NRXN3: variants seen among roughly 807,000 people sequenced by gnomAD.
The protein encoded by NRXN3 is neurexin 3.
Under a neutral mutation model 137.6 loss-of-function variants are expected in NRXN3, and 32 were observed. That is an observed-to-expected ratio of 0.23 (90% CI 0.18 to 0.31). The LOEUF (loss-of-function observed/expected upper bound fraction) is 0.31. Ranked by LOEUF, NRXN3 falls within the 10% of genes least tolerant of loss-of-function variation. The pLI is 1.00. For missense variants in NRXN3, 1,574 were observed against 2,062.5 expected, an observed-to-expected ratio of 0.76 and a Z score of 4.59; for synonymous variants, 798 against 784.5, an observed-to-expected ratio of 1.02 and a Z score of -0.29.
intron 16 of NRXN3, among the ~76,000 whole-genome samples, chr14:79,654,319 TAAATTAAACTTAAAAAAAAAAACTTAAAA>T (rs1453807939): frequency 6.6e-6 from 1 of 151,672 alleles, no homozygotes; most frequent in Non-Finnish European, 1.5e-5. Context: ...AAATTAAACT[TAAATTAAACTTAAAAAAAAAAACTTAAAA>T]AAAATTAAAC....
At chr14:78,678,338 A>G (rs879651616) in intron 6 of NRXN3, among the ~76,000 whole-genome samples, 13 of 146,854 alleles carry the variant, frequency 8.9e-5, no homozygotes, top group Non-Finnish European at 1.5e-4. Flanking sequence ...TTTTTTGTAG[A>G]GACAGGGTTT....
At position 79,296,812 on chromosome 14, in the gene NRXN3, C is replaced by A. The variant is rs375410868; in HGVS notation, c.3263-170409C>A. On this transcript the variant is annotated intron_variant, in intron 15 of 20. Coordinates refer to ENST00000335750, the MANE Select transcript of NRXN3 (RefSeq NM_001330195.2). ...CTGGCTTAAAAAGATAAAACAAAAGCAAATAAATAAATAAATTAAGCCTCT... is the reference window on the plus strand; with the variant it reads ...CTGGCTTAAAAAGATAAAACAAAAGAAAATAAATAAATAAATTAAGCCTCT... Among the ~76,000 whole-genome samples the A allele has an allele frequency of 2.4e-3, 369 of 152,166 alleles. 2 individuals carry two copies. Among genetic ancestry groups the A allele is most frequent in the African/African-American group, 8.0e-3 (332 of 41,530 alleles).
At chr14:79,702,487 T>C (rs929647877) in intron 19 of NRXN3, among the ~76,000 whole-genome samples, 2 of 151,748 alleles carry the variant, frequency 1.3e-5, no homozygotes, top group Non-Finnish European at 2.9e-5. Context: ...ATTGGACAGG[T>C]GGTGAGAGGA....
intron 10 of NRXN3, among the ~76,000 whole-genome samples, chr14:78,846,438 A>T (rs1012402810): frequency 1.3e-5 from 2 of 152,116 alleles, no homozygotes; most frequent in African/African-American, 4.8e-5. Context: ...TCAGTTCTTT[A>T]CAATCTCTGC....
intron 16 of NRXN3, among the ~76,000 whole-genome samples, chr14:79,528,682 T>A (rs1440610715): frequency 2.6e-5 from 4 of 152,220 alleles, no homozygotes; most frequent in South Asian, 2.1e-4. Flanking sequence ...AGTTTTTTTT[T>A]ATTTCTAAGA....
At chr14:78,319,727 T>C (rs1249297449) in intron 4 of NRXN3, among the ~76,000 whole-genome samples, 1 of 152,170 alleles carries the variant, frequency 6.6e-6, no homozygotes, top group African/African-American at 2.4e-5. Context: ...GGGTATAATC[T>C]CACTTAACTT....
chr14:79,362,947 G>T (rs1424122515), intron 15 of NRXN3, among the ~76,000 whole-genome samples: 1 of 152,072 alleles, frequency 6.6e-6, no homozygotes, highest in Non-Finnish European at 1.5e-5. Flanking sequence ...GAGAGTATTT[G>T]CAGATGCATG....
chr14:79,676,668 TTCAGTG>T (rs1289063661), intron 17 of NRXN3, among the ~76,000 whole-genome samples: 3 of 151,956 alleles, frequency 2.0e-5, no homozygotes, highest in Non-Finnish European at 2.9e-5. Context: ...CTACAGTCAT[TTCAGTG>T]TTTATATGTA....
rs2152847892 is a variant in NRXN3 at position 78,714,814 on chromosome 14, C to T, written c.1719C>T (p.Ile573=). ...TCACCGCCAGTGGGGAGAGCGAGAT[C>T]CTGGACCTGGAAGGAGACATGTACC... is the stretch of plus-strand genomic sequence containing the variant. ...TPFTASGESE[I]LDLEGDMYLG... The change falls in exon 8 of 21, where the codon ATC becomes ATT. Residue 573 remains isoleucine, a synonymous_variant. Coordinates refer to ENST00000335750, the MANE Select transcript of NRXN3 (RefSeq NM_001330195.2). The T allele has an allele frequency of 6.2e-7, 1 of 1,614,138 alleles. No individual in the cohort carries two copies. The highest frequency in any genetic ancestry group is 8.5e-7 in the Non-Finnish European group (1 of 1,180,016).
At chr14:79,435,774 A>G (rs1270528035) in intron 15 of NRXN3, among the ~76,000 whole-genome samples, 1 of 152,074 alleles carries the variant, frequency 6.6e-6, no homozygotes, top group African/African-American at 2.4e-5. Flanking sequence ...AGCTGGGACT[A>G]TAGGCATGGA....
chr14:78,371,084 C>T (rs1597884173), intron 4 of NRXN3, among the ~76,000 whole-genome samples: 2 of 152,084 alleles, frequency 1.3e-5, no homozygotes. Flanking sequence ...GTTCCCCAGC[C>T]AAGGCCCCAC....
At chr14:78,532,333 A>C (rs12891666) in intron 4 of NRXN3, among the ~76,000 whole-genome samples, 1 of 150,038 alleles carries the variant, frequency 6.7e-6, no homozygotes, top group Non-Finnish European at 1.5e-5. Context: ...AAAGAAAAAA[A>C]AAAAGAAAAG....
chr14:78,719,374 A>G (rs1434519227), intron 8 of NRXN3, among the ~76,000 whole-genome samples: 1 of 152,016 alleles, frequency 6.6e-6, no homozygotes, highest in African/African-American at 2.4e-5. Flanking sequence ...GCTCCTCTCC[A>G]TTCGGGGCCT....
intron 15 of NRXN3, among the ~76,000 whole-genome samples, chr14:79,411,550 T>C (rs2095416894): frequency 6.6e-6 from 1 of 152,118 alleles, no homozygotes; most frequent in Admixed American, 6.6e-5. Context: ...AAATGAGTAA[T>C]AATTATGACT....
chr14:78,238,880 G>A (rs572784560), intron 1 of NRXN3, among the ~76,000 whole-genome samples: 28 of 152,324 alleles, frequency 1.8e-4, no homozygotes, highest in Admixed American at 6.5e-4. Context: ...GTGTGGCCCC[G>A]ACAAAGCAGG....
chr14:79,747,134 A>G (rs2098982224), intron 19 of NRXN3, among the ~76,000 whole-genome samples: 2 of 152,090 alleles, frequency 1.3e-5, no homozygotes, highest in Admixed American at 1.3e-4. Context: ...AGCTACATAT[A>G]TAAATGTCAG....
intron 15 of NRXN3, among the ~76,000 whole-genome samples, chr14:79,220,112 G>C (rs897694098): frequency 6.6e-6 from 1 of 152,220 alleles, no homozygotes; most frequent in Middle Eastern, 3.4e-3. Context: ...AAAACTGCAT[G>C]CTATCTTTAT....
intron 15 of NRXN3, among the ~76,000 whole-genome samples, chr14:79,404,420 G>T (rs760285888): frequency 3.9e-5 from 6 of 152,256 alleles, no homozygotes; most frequent in Non-Finnish European, 8.8e-5. Context: ...GTCACAAAAA[G>T]GCTCGCCCAG....
At chr14:79,492,911 A>T (rs901254456) in intron 16 of NRXN3, among the ~76,000 whole-genome samples, 1 of 152,184 alleles carries the variant, frequency 6.6e-6, no homozygotes. Flanking sequence ...AATGTTGGAG[A>T]TTCATTGGCT....
Sources: allele counts gnomAD v4.1 joint callset (sites outside exome capture counted in the v4.1 genomes callset), GRCh38; gene constraint gnomAD v4.1.1; transcripts MANE v1.5; gene names NCBI Gene and HGNC (gene_info 2026-07-23, HGNC 2026-07-21).